Variants in SNAPC4 observed in about 807,000 individuals in gnomAD.
SNAPC4 encodes snRNA-activating protein complex subunit 4.
A neutral mutation model predicts 151.3 loss-of-function variants in SNAPC4; 127 were observed. That is an observed-to-expected ratio of 0.84 (90% CI 0.73 to 0.97). The LOEUF (loss-of-function observed/expected upper bound fraction) is 0.97, where lower values mean the gene tolerates loss of function less well. Ranked by LOEUF, SNAPC4 falls within the 50% of genes least tolerant of loss-of-function variation. SNAPC4 has a pLI of 0.00. For synonymous variants in SNAPC4, 1,002 were observed against 824.4 expected (o/e 1.22, Z -3.69); for missense variants, 2,186 against 1,935.0 (o/e 1.13, Z -2.43).
Position 136,394,385 on chromosome 9 carries a change from G to A in SNAPC4, c.551-55C>T, listed in dbSNP as rs375193219. ...GGGTCTGGATCCTCTCCACGGCCCA[G>A]CCCCCACGGTTGGTGTGCACTTCCC... On this transcript the variant is annotated intron_variant, in intron 6 of 23. Coordinates refer to ENST00000684778, the MANE Select transcript of SNAPC4 (RefSeq NM_003086.4). 45 of 1,488,446 alleles carry A rather than the reference G, an allele frequency of 3.0e-5. No homozygotes were observed. The African/African-American group carries it at 5.5e-4, about 18-fold the overall frequency. The allele number at this position is 1,488,446 out of a possible 1,614,324, so 92.2% of individuals were successfully genotyped here.
chr9:136,381,789 CCCCAGGATGCT>C lies in SNAPC4; in HGVS notation c.2317+24_2317+34del, dbSNP rs774883876. Reference sequence around the variant, plus strand: ...TGTACTCTTCATCCTCACCCCTCGCCCCCAGGATGCTCCCAGAGGAGCCCCAGGCCATACCT... The same window carrying C: ...TGTACTCTTCATCCTCACCCCTCGCCCCCAGAGGAGCCCCAGGCCATACCT... On this transcript the variant is annotated intron_variant, in intron 18 of 23. Transcript: ENST00000684778. The C allele has an allele frequency of 7.5e-6, 12 of 1,594,460 alleles. No homozygotes were observed. The East Asian group carries it at 2.2e-4, about 30-fold the overall frequency.
Position 136,383,082 on chromosome 9 carries a change from C to T in SNAPC4, c.1983+104G>A. 2 of 1,446,020 alleles carry T rather than the reference C, an allele frequency of 1.4e-6. No homozygotes were observed. Among genetic ancestry groups the T allele is most frequent in the African/African-American group, 1.4e-5 (1 of 70,186 alleles). The allele number at this position is 1,446,020 out of a possible 1,614,324, so 89.6% of individuals were successfully genotyped here. On this transcript the variant is annotated intron_variant, in intron 16 of 23. Transcript: ENST00000684778. This position sits in a 1 kb window ranked among gnomAD's most constrained non-coding sequence, Gnocchi z 4.2. Reference sequence around the variant, plus strand: ...GCCAGAAGTAGCACGTTCTGATGCACACGAACCCTGGGGCCCCTGCTGCTG... The same window carrying T: ...GCCAGAAGTAGCACGTTCTGATGCATACGAACCCTGGGGCCCCTGCTGCTG...
intron 20 of SNAPC4, among the ~76,000 whole-genome samples, chr9:136,380,203 G>A (rs762105267): frequency 6.6e-6 from 1 of 152,080 alleles, no homozygotes; most frequent in African/African-American, 2.4e-5. Context: ...GCAGGCAAAG[G>A]CCTGGCCTTG....
rs146447917 is a variant in SNAPC4, at chr9:136,381,328, A to G, written c.2382T>C (p.Phe794=). ...RLASTPVFTL[F]TQLFHIDTAG... is the part of the protein sequence containing the mutation. ...CTCTGCCCAAGTAGCTTACCTGGGT[A>G]AACAGGGTAAACACAGGGGTGCTGG... The change falls in exon 19 of 24, where the codon TTT becomes TTC. Residue 794 remains phenylalanine, a synonymous_variant. Coordinates refer to ENST00000684778, the MANE Select transcript of SNAPC4 (RefSeq NM_003086.4). 3 of 1,612,178 alleles carry G rather than the reference A, an allele frequency of 1.9e-6. No individual in the cohort carries two copies. Among genetic ancestry groups the G allele is most frequent in the Non-Finnish European group, 2.5e-6 (3 of 1,179,260 alleles).
At chr9:136,391,701 A>G (rs1338981782) in intron 10 of SNAPC4, among the ~76,000 whole-genome samples, 2 of 152,376 alleles carry the variant, frequency 1.3e-5, no homozygotes, top group South Asian at 4.1e-4. Context: ...TAAACTGGGC[A>G]TGCACCGCTG....
At position 136,398,351 on chromosome 9, in the gene SNAPC4, C is replaced by T. The variant is rs777494618; in HGVS notation, c.78G>A (p.Ser26=). The T allele has an allele frequency of 7.4e-6, 12 of 1,613,918 alleles. No homozygotes were observed. Among genetic ancestry groups the T allele is most frequent in the Admixed American group, 1.7e-5 (1 of 60,014 alleles). ...ATTCTGAGATCTCCACGTGGGAGCC[C>T]GAGGAGCCGGGATCCAAAATCCTTT... The part of the protein sequence containing the change: ...ELERILDPGS[S]GSHVEISESS... Residue 26 remains serine (S), a synonymous_variant, in exon 2 of 24, where the codon TCG becomes TCA. Coordinates refer to ENST00000684778, the MANE Select transcript of SNAPC4 (RefSeq NM_003086.4).
rs573076042 is a variant in SNAPC4, at chr9:136,397,607, G to A, written c.131-584C>T. Among the ~76,000 whole-genome samples, 297 of 124,058 alleles carry A rather than the reference G, an allele frequency of 2.4e-3. 5 individuals are homozygous for A. The highest frequency in any genetic ancestry group is 8.7e-3 in the African/African-American group (275 of 31,670). The allele number at this position is 124,058 out of a possible 152,430, so 81.4% of individuals were successfully genotyped here. ...GGAGCCTATGGGGTGGGGAGCACAT[G>A]GGGAGGGGAGCACGTGGGGTGGGGA... On this transcript the variant is annotated intron_variant, in intron 2 of 23. Transcript: ENST00000684778.
At position 136,378,386 on chromosome 9, in the gene SNAPC4, G is replaced by A. The variant is rs747685415; in HGVS notation, c.3441C>T (p.Ser1147=). 1.7e-5 allele frequency: 27 copies of A among 1,610,464 alleles called. No homozygotes were observed. Among genetic ancestry groups the A allele is most frequent in the Non-Finnish European group, 1.1e-5 (13 of 1,179,522 alleles). Residue 1147 remains serine, a synonymous_variant, in exon 22 of 24, where the codon TCC becomes TCT. Transcript: ENST00000684778. ...PANMNREPEP[S]CRTDTPAPPT... is the part of the protein sequence containing the mutation. ...GAGGAGCTGGGGTGTCTGTCCTGCA[G>A]GAAGGCTCCGGTTCCCTGTTCATAT...
intron 1 of SNAPC4, among the ~76,000 whole-genome samples, chr9:136,399,792 G>A (rs1207176645): frequency 6.6e-6 from 1 of 152,204 alleles, no homozygotes; most frequent in Non-Finnish European, 1.5e-5. Flanking sequence ...CCTGCTCGCT[G>A]CGTGAACTGG....
At position 136,378,589 on chromosome 9, in the gene SNAPC4, G is replaced by A; in HGVS notation, c.3238C>T (p.Leu1080Phe). 1.9e-6 allele frequency: 3 copies of A among 1,584,706 alleles called. No homozygotes were observed. Among genetic ancestry groups the A allele is most frequent in the South Asian group, 2.3e-5 (2 of 87,794 alleles). The change falls in exon 22 of 24, where the codon CTC becomes TTC. Residue 1080 changes from leucine to phenylalanine, a missense_variant. Physicochemically the swap from Leu to Phe is conservative, Grantham distance 22. Transcript: ENST00000684778. The stretch of plus-strand genomic sequence containing the variant: ...ACAGGGAGAAGCCCCTGGGCTGTGA[G>A]CACCCAGGTGACAGGCAGGGGGACA... Reference protein sequence around the residue: ...TSVPLPVTWVLTAQGLLPVPV... With the variant: ...TSVPLPVTWVFTAQGLLPVPV...
intron 13 of SNAPC4, among the ~76,000 whole-genome samples, chr9:136,387,254 C>T (rs890230011): frequency 3.9e-5 from 6 of 152,182 alleles, no homozygotes; most frequent in African/African-American, 9.7e-5. Context: ...TGCGTTGCTC[C>T]GGCAGACAGC....
chr9:136,392,203 G>C, intron 9 of SNAPC4, 97 bp from the exon 10 acceptor site: 1 of 1,442,490 alleles, frequency 6.9e-7, no homozygotes. Context: ...CCAGCTGGAG[G>C]CTTCCACGGC....
At chr9:136,398,506 A>G in intron 1 of SNAPC4, 69 bp from the exon 2 acceptor site, 1 of 1,557,750 alleles carries the variant, frequency 6.4e-7, no homozygotes, top group Non-Finnish European at 8.8e-7. Context: ...TCCTTCAGAC[A>G]CACCCGCCCA....
At chr9:136,386,996 T>C (rs982439317) in intron 13 of SNAPC4, among the ~76,000 whole-genome samples, 8 of 151,986 alleles carry the variant, frequency 5.3e-5, no homozygotes, top group Admixed American at 1.3e-4. Flanking sequence ...CCGCCTGCCT[T>C]GACCTCCCAA....
intron 18 of SNAPC4, 122 bp downstream of exon 18, chr9:136,381,701 CA>C: frequency 8.0e-7 from 1 of 1,251,330 alleles, no homozygotes; most frequent in Admixed American, 2.2e-5. Flanking sequence ...AGGTGGCGCC[CA>C]CCCCAAAAAG....
Position 136,377,846 on chromosome 9 carries a change from C to A in SNAPC4, c.3981G>T (p.Lys1327Asn). 1 of 1,611,550 alleles carries A rather than the reference C, an allele frequency of 6.2e-7. No individual in the cohort carries two copies. Among genetic ancestry groups the A allele is most frequent in the Non-Finnish European group, 8.5e-7 (1 of 1,179,828 alleles). ...LLLHKKALEH[K>N]ATSLVVGGEA... is the part of the protein sequence containing the mutation. ...CGCCCCCCACCACCAGGGAGGTGGC[C>A]TTGTGCTCCAGGGCCTTCTTGTGGA... Residue 1327 changes from lysine to asparagine, a missense_variant, in exon 22 of 24, where the codon AAG becomes AAT. Coordinates refer to ENST00000684778, the MANE Select transcript of SNAPC4 (RefSeq NM_003086.4).
intron 10 of SNAPC4, among the ~76,000 whole-genome samples, chr9:136,390,243 G>A (rs999485363): frequency 6.6e-6 from 1 of 152,078 alleles, no homozygotes; most frequent in African/African-American, 2.4e-5. Context: ...TGGAAATGAC[G>A]ATTTGTTAAA....
chr9:136,398,584 C>T lies in SNAPC4; in HGVS notation c.-9-147G>A, dbSNP rs570556721. On this transcript the variant is annotated intron_variant, in intron 1 of 23. Transcript: ENST00000684778. ...CCCAGAGAAAGATTAATAGGCCAGG[C>T]ACAGAATCGGGGAACCCTGGGACAG... 1.3e-4 allele frequency: 112 copies of T among 880,756 alleles called. 1 individual carries two copies. The South Asian group carries it at 1.3e-3, about 11-fold the overall frequency. 54.6% of individuals were successfully genotyped at this position (880,756 alleles called of 1,614,324 possible).
At position 136,392,102 on chromosome 9, in the gene SNAPC4, T is replaced by C. The variant is rs762428042; in HGVS notation, c.815A>G (p.Glu272Gly). The change falls in exon 10 of 24, where the codon GAA becomes GGA. Residue 272 changes from glutamate to glycine, a missense_variant. Transcript: ENST00000684778. Reference sequence around the variant, plus strand: ...GATCTCCTCTGCACTGCGGCTGCCTTCAAACTGCACCGACAGAGACACTCA... The same window carrying C: ...GATCTCCTCTGCACTGCGGCTGCCTCCAAACTGCACCGACAGAGACACTCA... ...DWEKISNINFEGSRSAEEIRK... is the reference protein window; with the variant it reads ...DWEKISNINFGGSRSAEEIRK... 24 of 1,611,696 alleles carry C rather than the reference T, an allele frequency of 1.5e-5. No individual in the cohort carries two copies. In the African/African-American group the frequency reaches 2.9e-4, roughly 20 times the overall value.
Sources: allele counts gnomAD v4.1 joint callset (sites outside exome capture counted in the v4.1 genomes callset), GRCh38; gene constraint gnomAD v4.1.1; non-coding constraint Gnocchi (gnomAD v3.1); transcripts MANE v1.5; gene names NCBI Gene and HGNC (gene_info 2026-07-23, HGNC 2026-07-21).